The following BCKDHB variants were observed in gnomAD, a reference collection of about 807,000 sequenced individuals.
BCKDHB encodes the protein 2-oxoisovalerate dehydrogenase subunit beta, mitochondrial.
A neutral mutation model predicts 48.5 loss-of-function variants in BCKDHB; 41 were observed. The ratio of observed to expected loss-of-function variants is 0.85; its 90% confidence interval spans 0.66 to 1.10. BCKDHB has a LOEUF of 1.10. Ranked by LOEUF, BCKDHB falls within the 50% of genes least tolerant of loss-of-function variation. BCKDHB has a pLI of 0.00. For missense variants in BCKDHB, 496 were observed against 494.2 expected, an observed-to-expected ratio of 1.00 and a Z score of -0.03; for synonymous variants, 201 against 174.8, an observed-to-expected ratio of 1.15 and a Z score of -1.18.
chr6:80,460,312 G>A, the BCKDHB span, among the ~76,000 whole-genome samples: 7 of 152,088 alleles, frequency 4.6e-5, no homozygotes, highest in Admixed American at 6.6e-5. Context: ...AGGAATAAAC[G>A]TGGAGAAAAC....
At chr6:80,126,030 C>G (rs1315509372) in intron 1 of BCKDHB, among the ~76,000 whole-genome samples, 2 of 152,120 alleles carry the variant, frequency 1.3e-5, no homozygotes, top group Admixed American at 6.5e-5. Context: ...ATAGCCCTAG[C>G]CTGAAGAAAA....
intron 6 of BCKDHB, among the ~76,000 whole-genome samples, chr6:80,195,731 G>A (rs1307962013): frequency 6.6e-6 from 1 of 152,094 alleles, no homozygotes; most frequent in Non-Finnish European, 1.5e-5. Context: ...TGTCAGAGAT[G>A]ACCAAACTCA....
At chr6:80,328,800 A>T (rs1769172814) in intron 9 of BCKDHB, among the ~76,000 whole-genome samples, 1 of 152,212 alleles carries the variant, frequency 6.6e-6, no homozygotes, top group Non-Finnish European at 1.5e-5. Context: ...GAAAACACAG[A>T]GAGAATGTCA....
At chr6:80,434,797 C>A in the BCKDHB span, among the ~76,000 whole-genome samples, 2 of 152,164 alleles carry the variant, frequency 1.3e-5, no homozygotes, top group Admixed American at 6.5e-5. Context: ...GAAATATGTT[C>A]ATGCCCAGCT....
chr6:80,418,961 A>T, the BCKDHB span, among the ~76,000 whole-genome samples: 1 of 152,164 alleles, frequency 6.6e-6, no homozygotes, highest in Non-Finnish European at 1.5e-5. Flanking sequence ...TGCAGGTCCG[A>T]GTGCCTTCTC....
At chr6:80,267,270 G>C (rs1034691380) in intron 8 of BCKDHB, among the ~76,000 whole-genome samples, 15 of 152,006 alleles carry the variant, frequency 9.9e-5, no homozygotes, top group African/African-American at 3.6e-4. Flanking sequence ...AGCAGAGTGT[G>C]CTGCCTTCAC....
chr6:80,148,616 AT>A (rs1771604575), intron 3 of BCKDHB, among the ~76,000 whole-genome samples: 1 of 152,096 alleles, frequency 6.6e-6, no homozygotes, highest in African/African-American at 2.4e-5. Context: ...TAATTTAAAA[AT>A]ATCTGTGAGA....
the BCKDHB span, among the ~76,000 whole-genome samples, chr6:80,393,209 C>T: frequency 6.6e-6 from 1 of 152,142 alleles, no homozygotes; most frequent in Non-Finnish European, 1.5e-5. Flanking sequence ...ATAGCTATCA[C>T]TAATTCATAC....
intron 8 of BCKDHB, among the ~76,000 whole-genome samples, chr6:80,219,146 A>C (rs1775299842): frequency 6.6e-6 from 1 of 151,772 alleles, no homozygotes; most frequent in African/African-American, 2.4e-5. Context: ...TTGAAAAATC[A>C]AGACAAGCCT....
chr6:80,339,128 G>C (rs764614493), intron 9 of BCKDHB, among the ~76,000 whole-genome samples: 5 of 152,140 alleles, frequency 3.3e-5, no homozygotes, highest in African/African-American at 4.8e-5. Context: ...CTTAAAACTT[G>C]AATGGAGAAA....
Position 80,333,791 on chromosome 6 carries a change from A to G in BCKDHB, c.1039-9873A>G, listed in dbSNP as rs76235819. Among the ~76,000 whole-genome samples the G allele has an allele frequency of 4.9e-3, 747 of 152,290 alleles. 3 individuals are homozygous for G. The highest frequency in any genetic ancestry group is 8.4e-3 in the Non-Finnish European group (572 of 67,998). Reference sequence around the variant, plus strand: ...TATATGAACTATATACATTTAGTTTACCTAAGTTTATTAATAAATAGTATC... The same window carrying G: ...TATATGAACTATATACATTTAGTTTGCCTAAGTTTATTAATAAATAGTATC... On this transcript the variant is annotated intron_variant, in intron 9 of 9. Transcript: ENST00000320393.
the BCKDHB span, among the ~76,000 whole-genome samples, chr6:80,416,113 G>C: frequency 2.0e-5 from 3 of 151,606 alleles, no homozygotes; most frequent in African/African-American, 7.3e-5. Context: ...GGGTCAGTGG[G>C]AATATCCCTC....
At chr6:80,260,744 C>T (rs1329199234) in intron 8 of BCKDHB, among the ~76,000 whole-genome samples, 1 of 152,084 alleles carries the variant, frequency 6.6e-6, no homozygotes, top group Non-Finnish European at 1.5e-5. Flanking sequence ...TGTAACTTTA[C>T]AACAAAATGG....
the BCKDHB span, among the ~76,000 whole-genome samples, chr6:80,433,238 T>C: frequency 9.2e-5 from 14 of 152,124 alleles, no homozygotes; most frequent in East Asian, 2.7e-3. Flanking sequence ...CGGGGACGTA[T>C]AAGTCTGCTG....
At chr6:80,120,861 G>T (rs147609364) in intron 1 of BCKDHB, among the ~76,000 whole-genome samples, 1 of 152,118 alleles carries the variant, frequency 6.6e-6, no homozygotes, top group African/African-American at 2.4e-5. Flanking sequence ...AAGCTCTTTA[G>T]TTTAATTAGA....
intron 6 of BCKDHB, among the ~76,000 whole-genome samples, chr6:80,197,845 C>G (rs990798608): frequency 6.6e-6 from 1 of 152,104 alleles, no homozygotes; most frequent in African/African-American, 2.4e-5. Context: ...ACAATTAAGA[C>G]CTGCTAAGTA....
intron 6 of BCKDHB, among the ~76,000 whole-genome samples, chr6:80,197,374 GT>G (rs199518392): frequency 0.019 from 2,835 of 150,174 alleles, 84 homozygotes; most frequent in African/African-American, 0.066. Flanking sequence ...CTAAGAGGAG[GT>G]TTTTTTTTCT....
At chr6:80,386,906 G>A in the BCKDHB span, among the ~76,000 whole-genome samples, 1 of 152,088 alleles carries the variant, frequency 6.6e-6, no homozygotes, top group South Asian at 2.1e-4. Flanking sequence ...AGAACCCCTT[G>A]AATGAATGGG....
intron 9 of BCKDHB, among the ~76,000 whole-genome samples, chr6:80,293,191 A>T (rs1050068335): frequency 1.3e-5 from 2 of 152,178 alleles, no homozygotes; most frequent in Non-Finnish European, 2.9e-5. Flanking sequence ...CTCCCATGTT[A>T]CATTTTCCTT....
Sources: gnomAD v4.1 joint callset for allele counts (sites outside exome capture counted in the v4.1 genomes callset) on GRCh38, gnomAD v4.1.1 for gene constraint, MANE v1.5 for transcripts, NCBI Gene and HGNC (gene_info 2026-07-23, HGNC 2026-07-21) for gene names.